The following AFF3 variants were observed in gnomAD, a reference collection of about 807,000 sequenced individuals.
AFF3 encodes the protein ALF transcription elongation factor 3.
In AFF3, 32 loss-of-function variants were observed where a neutral mutation model predicts 129.7. That is an observed-to-expected ratio of 0.25 (90% CI 0.19 to 0.33). The LOEUF (loss-of-function observed/expected upper bound fraction) is 0.33. Ranked by LOEUF, AFF3 falls within the 10% of genes least tolerant of loss-of-function variation. The pLI is 1.00. For synonymous variants in AFF3, 644 were observed against 635.4 expected (o/e 1.01, Z -0.20); for missense variants, 1,373 against 1,592.0 (o/e 0.86, Z 2.34).
chr2:99,669,879 G>A (rs564619165), intron 12 of AFF3, among the ~76,000 whole-genome samples: 60 of 152,290 alleles, frequency 3.9e-4, no homozygotes, highest in African/African-American at 1.4e-3. Flanking sequence ...GAACCTGGGA[G>A]GCGGAGGTTG....
intron 8 of AFF3, among the ~76,000 whole-genome samples, chr2:99,814,053 C>T (rs1687013001): frequency 2.0e-5 from 3 of 152,288 alleles, no homozygotes; most frequent in Admixed American, 2.0e-4. Flanking sequence ...TGACCTTCAG[C>T]TCAATACCCA....
At chr2:99,673,907 T>C in intron 11 of AFF3, among the ~76,000 whole-genome samples, 1 of 152,322 alleles carries the variant, frequency 6.6e-6, no homozygotes, top group African/African-American at 2.4e-5. Flanking sequence ...CATTTCCCTA[T>C]TTGTGCAGTG....
Position 99,808,333 on chromosome 2 carries a change from A to G in AFF3, c.921+29144T>C, listed in dbSNP as rs900634566. Among the ~76,000 whole-genome samples, 61 of 152,188 alleles carry G rather than the reference A, an allele frequency of 4.0e-4. 1 individual carries two copies. Among genetic ancestry groups the G allele is most frequent in the African/African-American group, 1.4e-3 (59 of 41,430 alleles). The stretch of plus-strand genomic sequence containing the variant: ...AAGGTATACAAAGAAATATTCTGGG[A>G]TCCCAGGACCATCAATGACAGTAAA... On this transcript the variant is annotated intron_variant, in intron 8 of 24. Transcript: ENST00000672756.
At chr2:99,904,574 T>G (rs1367296590) in intron 7 of AFF3, among the ~76,000 whole-genome samples, 3 of 152,202 alleles carry the variant, frequency 2.0e-5, no homozygotes, top group African/African-American at 7.2e-5. Context: ...ATACTCTGAT[T>G]TAGTTCCTTG....
intron 11 of AFF3, among the ~76,000 whole-genome samples, chr2:99,675,155 T>C (rs1180675414): frequency 6.6e-6 from 1 of 152,142 alleles, no homozygotes; most frequent in Non-Finnish European, 1.5e-5. Flanking sequence ...TCTCTTATAT[T>C]AAAAAAATGA....
At chr2:100,081,617 A>C (rs1265871857) in intron 4 of AFF3, among the ~76,000 whole-genome samples, 23 of 151,994 alleles carry the variant, frequency 1.5e-4, no homozygotes. Context: ...CAGACAAAAG[A>C]ATAGGGAGAC....
At chr2:99,582,282 T>C (rs1405232644) in intron 17 of AFF3, among the ~76,000 whole-genome samples, 1 of 152,164 alleles carries the variant, frequency 6.6e-6, no homozygotes, top group Non-Finnish European at 1.5e-5. Context: ...GGTCAGATTG[T>C]GAACCCAAGT....
intron 24 of AFF3, among the ~76,000 whole-genome samples, chr2:99,553,639 T>A (rs891511660): frequency 2.6e-5 from 4 of 151,252 alleles, no homozygotes; most frequent in Non-Finnish European, 5.9e-5. Context: ...TATGGCCGGG[T>A]GTGGTGGCTC....
intron 7 of AFF3, among the ~76,000 whole-genome samples, chr2:99,891,633 G>C (rs1693558453): frequency 6.6e-6 from 1 of 152,032 alleles, no homozygotes; most frequent in African/African-American, 2.4e-5. Flanking sequence ...AGCTGCAGAT[G>C]GATGTTTCAC....
At chr2:99,630,070 C>A (rs1265050664) in intron 13 of AFF3, among the ~76,000 whole-genome samples, 1 of 152,220 alleles carries the variant, frequency 6.6e-6, no homozygotes, top group African/African-American at 2.4e-5. Context: ...TGTCCCCACA[C>A]CTCAGAAACA....
At chr2:100,051,786 C>G (rs1220112613) in intron 4 of AFF3, among the ~76,000 whole-genome samples, 1 of 152,160 alleles carries the variant, frequency 6.6e-6, no homozygotes, top group Non-Finnish European at 1.5e-5. Context: ...CTGAAGCAGG[C>G]TAAGTTTCAG....
chr2:99,765,116 T>C (rs1682903719), intron 8 of AFF3, among the ~76,000 whole-genome samples: 1 of 152,216 alleles, frequency 6.6e-6, no homozygotes, highest in Non-Finnish European at 1.5e-5. Context: ...TGACACTTTA[T>C]TTCTGACTCA....
intron 4 of AFF3, among the ~76,000 whole-genome samples, chr2:100,017,849 T>TA (rs1559061912): frequency 6.6e-6 from 1 of 152,182 alleles, no homozygotes; most frequent in Non-Finnish European, 1.5e-5. Context: ...ACCAAATTCT[T>TA]AGACTCTGCT....
chr2:99,577,796 G>T (rs868459487), intron 18 of AFF3, among the ~76,000 whole-genome samples: 36 of 152,236 alleles, frequency 2.4e-4, no homozygotes, highest in African/African-American at 7.2e-4. Context: ...CTTTTAAAAT[G>T]ATGCTGGGAA....
At chr2:100,056,689 G>C (rs1686815923) in intron 4 of AFF3, among the ~76,000 whole-genome samples, 1 of 152,132 alleles carries the variant, frequency 6.6e-6, no homozygotes, top group Non-Finnish European at 1.5e-5. Flanking sequence ...CAAAATAGAA[G>C]TTGAGCAGTT....
chr2:100,016,196 T>C (rs983372079), intron 4 of AFF3, among the ~76,000 whole-genome samples: 1 of 149,642 alleles, frequency 6.7e-6, no homozygotes, highest in Non-Finnish European at 1.5e-5. Flanking sequence ...CTGATAATGA[T>C]TGTGGTTGTG....
chr2:99,810,521 G>A (rs1038685052), intron 8 of AFF3, among the ~76,000 whole-genome samples: 16 of 152,344 alleles, frequency 1.1e-4, no homozygotes, highest in East Asian at 3.9e-4. Context: ...CGTGCCACCC[G>A]CAGAAGCATT....
chr2:99,722,922 G>C (rs1679029996), intron 11 of AFF3, among the ~76,000 whole-genome samples: 1 of 152,044 alleles, frequency 6.6e-6, no homozygotes, highest in African/African-American at 2.4e-5. Flanking sequence ...TGCCTTCATG[G>C]GAGAAGCTAT....
intron 7 of AFF3, among the ~76,000 whole-genome samples, chr2:99,959,665 A>G (rs1252047737): frequency 6.7e-6 from 1 of 149,692 alleles, no homozygotes; most frequent in Non-Finnish European, 1.5e-5. Context: ...GAATGGAAAC[A>G]TGAACTTACA....
Sources: gnomAD v4.1 joint callset for allele counts (sites outside exome capture counted in the v4.1 genomes callset) on GRCh38, gnomAD v4.1.1 for gene constraint, MANE v1.5 for transcripts, NCBI Gene and HGNC (gene_info 2026-07-23, HGNC 2026-07-21) for gene names.